Variants in NAA20 observed in about 807,000 individuals in gnomAD.
NAA20 encodes the protein N-alpha-acetyltransferase 20.
Under a neutral mutation model 23.8 loss-of-function variants are expected in NAA20, and 24 were observed. The ratio of observed to expected loss-of-function variants is 1.01; its 90% CI spans 0.73 to 1.42. The LOEUF is 1.42. Among genes scored for constraint, NAA20 ranks in the 40% most tolerant of loss-of-function variants. The pLI is 0.00. For missense variants in NAA20, 166 were observed against 223.1 expected, an observed-to-expected ratio of 0.74 and a Z score of 1.63; for synonymous variants, 83 against 77.7, an observed-to-expected ratio of 1.07 and a Z score of -0.36.
At chr20:20,024,490 T>C (rs2043293908) in intron 2 of NAA20, among the ~76,000 whole-genome samples, 1 of 151,364 alleles carries the variant, frequency 6.6e-6, no homozygotes, top group Non-Finnish European at 1.5e-5. Context: ...TTACGACTAA[T>C]GATATCACCA....
chr20:20,018,092 C>T, intron 1 of NAA20: 1 of 1,613,636 alleles, frequency 6.2e-7, no homozygotes, highest in Non-Finnish European at 8.5e-7. Flanking sequence ...GGTGTACACA[C>T]CTTTCCTCTG....
chr20:20,025,115 G>A (rs916874279), intron 2 of NAA20, among the ~76,000 whole-genome samples: 2 of 152,176 alleles, frequency 1.3e-5, no homozygotes, highest in Non-Finnish European at 2.9e-5. Flanking sequence ...TGCATTACTA[G>A]AAATGCAGGA....
At chr20:20,023,395 T>C (rs1402171367) in intron 2 of NAA20, among the ~76,000 whole-genome samples, 1 of 152,130 alleles carries the variant, frequency 6.6e-6, no homozygotes, top group East Asian at 1.9e-4. Flanking sequence ...TGTTTCATGC[T>C]TCACCTGTCT....
At chr20:20,017,301 G>A (rs574177873), upstream of NAA20, 19 of 1,532,086 alleles carry the variant, frequency 1.2e-5, 1 homozygote, top group South Asian at 2.1e-4. Context: ...GCAGTACCCC[G>A]TCTCGCTCGG....
intron 1 of NAA20, chr20:20,018,007 C>T (rs1330955403): frequency 3.1e-6 from 5 of 1,614,242 alleles, no homozygotes; most frequent in East Asian, 2.2e-5. Context: ...ACACTGATCA[C>T]TGCGTCCCCT....
At chr20:20,017,318 G>A, upstream of NAA20, 1 of 1,582,240 alleles carries the variant, frequency 6.3e-7, no homozygotes, top group Non-Finnish European at 8.6e-7. Context: ...TCGGTTCCGC[G>A]GCGGCCACGC....
chr20:20,032,693 AC>A lies in NAA20; in HGVS notation c.451+41del, dbSNP rs1017228308. 3.9e-6 allele frequency: 6 copies of A among 1,532,690 alleles called. No individual in the cohort carries two copies. In the African/African-American group the frequency reaches 8.3e-5, roughly 21 times the overall value. The allele number at this position is 1,532,690 out of a possible 1,614,324, so 94.9% of individuals were successfully genotyped here. A position where few individuals can be genotyped will look rare whatever the true frequency, so the allele number is the denominator to read the frequency against. ...ATGGCAGTATCCCCAAGAAGTCGAA[AC>A]AGTTACATTCTTTCTACAGATTGTA... On this transcript the variant is annotated intron_variant, in intron 5 of 5. Transcript: ENST00000334982.
Position 20,030,866 on chromosome 20 carries a change from A to ATG in NAA20, c.306-1642_306-1641insTG, listed in dbSNP as rs1212647700. ...AAATCAATTGTATTTATATATATAT[A>ATG]AACAGTAAAATTTAGAAAAAGATGC... On this transcript the variant is annotated intron_variant, in intron 4 of 5. Coordinates refer to ENST00000334982, the MANE Select transcript of NAA20 (RefSeq NM_016100.5). Among the ~76,000 whole-genome samples, 3 of 152,192 alleles carry ATG rather than the reference A, an allele frequency of 2.0e-5. No homozygotes were observed. In the South Asian group the frequency reaches 6.2e-4, roughly 32 times the overall value.
intron 1 of NAA20, chr20:20,018,186 A>T (rs988792051): frequency 8.6e-7 from 1 of 1,159,878 alleles, no homozygotes; most frequent in African/African-American, 1.6e-5. Flanking sequence ...TTAAGGCCAG[A>T]CCTCTGATTT....
At position 20,026,976 on chromosome 20, in the gene NAA20, T is replaced by A; in HGVS notation, c.305+57T>A. The A allele has an allele frequency of 1.9e-6, 3 of 1,606,904 alleles. No individual in the cohort carries two copies. The South Asian group carries it at 3.3e-5, about 18-fold the overall frequency. On this transcript the variant is annotated intron_variant, in intron 4 of 5. Transcript: ENST00000334982. ...ATTTGTGGACCCCTAACCATTTTCTTCCCCTTCAGGCTGAATAACTGTCAT... is the reference window on the plus strand; with the variant it reads ...ATTTGTGGACCCCTAACCATTTTCTACCCCTTCAGGCTGAATAACTGTCAT...
chr20:20,017,821 T>G, intron 1 of NAA20: 1 of 1,480,892 alleles, frequency 6.8e-7, no homozygotes, highest in Non-Finnish European at 9.0e-7. Flanking sequence ...CTTCTCGCCC[T>G]GCCCTACTGC....
intron 3 of NAA20, among the ~76,000 whole-genome samples, chr20:20,026,227 C>T (rs1289272330): frequency 6.6e-6 from 1 of 151,984 alleles, no homozygotes; most frequent in Non-Finnish European, 1.5e-5. Flanking sequence ...ATCACTTGAA[C>T]CCCGGAGGCA....
chr20:20,018,930 A>G lies in NAA20; in HGVS notation c.53+1481A>G, dbSNP rs1352299990. On this transcript the variant is annotated intron_variant, in intron 1 of 5. Transcript: ENST00000334982. ...TATTGGCTCTGGAGCAGTGGTTCTG[A>G]AAGACTTGGTGCCTGTGGTCAGGGG... 4 of 985,294 alleles carry G rather than the reference A, an allele frequency of 4.1e-6. No individual in the cohort carries two copies. The African/African-American group carries it at 5.2e-5, about 13-fold the overall frequency. 61.0% of individuals were successfully genotyped at this position (985,294 alleles called of 1,614,324 possible).
At chr20:20,025,305 A>G (rs1410871771) in intron 2 of NAA20, among the ~76,000 whole-genome samples, 1 of 152,244 alleles carries the variant, frequency 6.6e-6, no homozygotes, top group African/African-American at 2.4e-5. Flanking sequence ...CACCAGGGAC[A>G]GAGGGAACAT....
intron 2 of NAA20, among the ~76,000 whole-genome samples, chr20:20,024,221 C>T (rs762185216): frequency 4.3e-4 from 66 of 152,134 alleles, no homozygotes; most frequent in Non-Finnish European, 7.6e-4. Flanking sequence ...GAATAAGATT[C>T]ACACACAACA....
chr20:20,032,428 G>A (rs1394186779), intron 4 of NAA20, 80 bp from the exon 5 acceptor site: 6 of 1,434,062 alleles, frequency 4.2e-6, no homozygotes, highest in Middle Eastern at 2.3e-4. Flanking sequence ...GTAAAAACAC[G>A]TTTTAAAAAA....
intron 1 of NAA20, chr20:20,018,963 T>C (rs966964865): frequency 7.1e-6 from 7 of 983,804 alleles, no homozygotes; most frequent in Non-Finnish European, 8.4e-6. Context: ...GGGACCATGT[T>C]AGAAACGCAC....
intron 1 of NAA20, among the ~76,000 whole-genome samples, chr20:20,022,150 T>C (rs1179355061): frequency 6.6e-6 from 1 of 152,216 alleles, no homozygotes; most frequent in Non-Finnish European, 1.5e-5. Flanking sequence ...CTAGTTGGTC[T>C]CCAGTTCCAT....
intron 4 of NAA20, among the ~76,000 whole-genome samples, chr20:20,028,505 G>A (rs2043321648): frequency 1.3e-5 from 2 of 151,996 alleles, no homozygotes; most frequent in South Asian, 4.2e-4. Flanking sequence ...AAAAAAGCAG[G>A]TCGTAACTAG....
Sources: allele counts gnomAD v4.1 joint callset (sites outside exome capture counted in the v4.1 genomes callset), GRCh38; gene constraint gnomAD v4.1.1; transcripts MANE v1.5; gene names NCBI Gene and HGNC (gene_info 2026-07-23, HGNC 2026-07-21).